Variants in STK17A observed in about 807,000 individuals in gnomAD.
STK17A encodes the protein serine/threonine-protein kinase 17A.
Under a neutral mutation model 43.7 loss-of-function variants are expected in STK17A, and 26 were observed. That is an observed-to-expected ratio of 0.60 (90% CI 0.44 to 0.83). The LOEUF (loss-of-function observed/expected upper bound fraction) is 0.83. Among genes scored for constraint, STK17A ranks in the 40% least tolerant of loss-of-function variants. The pLI is 0.00. For missense variants in STK17A, 476 were observed against 511.6 expected, an observed-to-expected ratio of 0.93 and a Z score of 0.67; for synonymous variants, 191 against 182.5, an observed-to-expected ratio of 1.05 and a Z score of -0.38.
chr7:43,593,417 G>A (rs1408289061), intron 1 of STK17A, among the ~76,000 whole-genome samples: 1 of 152,212 alleles, frequency 6.6e-6, no homozygotes, highest in African/African-American at 2.4e-5. Context: ...ACCCTGTAAT[G>A]GGATAGCCAA....
chr7:43,598,409 G>A (rs1019778213), intron 2 of STK17A, among the ~76,000 whole-genome samples: 1 of 147,390 alleles, frequency 6.8e-6, no homozygotes, highest in Non-Finnish European at 1.5e-5. Context: ...GGTGGAGCTT[G>A]CAGTGAGCAC....
rs762868608 is a variant in STK17A, at chr7:43,623,568, C to G, written c.692-4C>G. 2 of 1,607,794 alleles carry G rather than the reference C, an allele frequency of 1.2e-6. No individual in the cohort carries two copies. The highest frequency in any genetic ancestry group is 2.2e-5 in the South Asian group (2 of 89,532). ...TAAATGTTTTCTTCTCTTTCTGATA[C>G]TAGCTCCTGAAATTCTTAGTTATGA... On this transcript the variant is annotated splice_region_variant and splice_polypyrimidine_tract_variant and intron_variant, in intron 4 of 6. Transcript: ENST00000319357.
At chr7:43,607,371 G>A (rs2082609247) in intron 2 of STK17A, among the ~76,000 whole-genome samples, 1 of 151,976 alleles carries the variant, frequency 6.6e-6, no homozygotes, top group East Asian at 1.9e-4. Context: ...GAATGGGGCC[G>A]GGCATGGTGG....
chr7:43,605,229 G>A (rs1563147168), intron 2 of STK17A, among the ~76,000 whole-genome samples: 1 of 152,166 alleles, frequency 6.6e-6, no homozygotes, highest in East Asian at 1.9e-4. Context: ...GAAATTTTTG[G>A]TAAAATGACA....
intron 1 of STK17A, among the ~76,000 whole-genome samples, chr7:43,595,215 A>C (rs2082506536): frequency 6.6e-6 from 1 of 151,178 alleles, no homozygotes; most frequent in African/African-American, 2.4e-5. Context: ...GTGCAGTGAA[A>C]TTCATCATAT....
chr7:43,593,639 G>A (rs1275512234), intron 1 of STK17A, among the ~76,000 whole-genome samples: 1 of 151,106 alleles, frequency 6.6e-6, no homozygotes, highest in African/African-American at 2.4e-5. Flanking sequence ...GATTAGTGAT[G>A]TTGAACATTT....
rs541795532 is a variant in STK17A at position 43,618,283 on chromosome 7, A to T, written c.565-1314A>T. ...TTACAGAGGAATTGGTTCTTTATTG[A>T]GACCCATCATGCATGGAATGAGGGA... On this transcript the variant is annotated intron_variant, in intron 3 of 6. Transcript: ENST00000319357. Among the ~76,000 whole-genome samples the T allele has an allele frequency of 3.3e-5, 5 of 152,304 alleles. No individual in the cohort carries two copies. The South Asian group carries it at 1.0e-3, about 32-fold the overall frequency.
intron 3 of STK17A, among the ~76,000 whole-genome samples, chr7:43,609,999 AG>A (rs1466656148): frequency 6.6e-6 from 1 of 152,226 alleles, no homozygotes; most frequent in African/African-American, 2.4e-5. Context: ...TTTCTGATTC[AG>A]GGTAGGGCAA....
At position 43,601,806 on chromosome 7, in the gene STK17A, G is replaced by A. The variant is rs888114062; in HGVS notation, c.419+5693G>A. Among the ~76,000 whole-genome samples the A allele has an allele frequency of 5.9e-5, 9 of 152,086 alleles. No individual in the cohort carries two copies. In the South Asian group the frequency reaches 8.3e-4, roughly 14 times the overall value. On this transcript the variant is annotated intron_variant, in intron 2 of 6. Transcript: ENST00000319357. The stretch of plus-strand genomic sequence containing the variant: ...ACACATTCTTGGAAGGACTTGGATC[G>A]TTTTTCATCTACTTAGTACAAGTGT...
chr7:43,617,676 G>A (rs1231758123), intron 3 of STK17A, among the ~76,000 whole-genome samples: 1 of 152,190 alleles, frequency 6.6e-6, no homozygotes, highest in African/African-American at 2.4e-5. Context: ...TAATAGGTAA[G>A]CAGCTGGTTG....
rs1328912723 is a variant in STK17A at position 43,608,232 on chromosome 7, T to C, written c.420-24T>C. The C allele has an allele frequency of 1.3e-5, 20 of 1,597,724 alleles. No homozygotes were observed. The South Asian group carries it at 1.7e-4, about 14-fold the overall frequency. On this transcript the variant is annotated intron_variant, in intron 2 of 6. Coordinates refer to ENST00000319357, the MANE Select transcript of STK17A (RefSeq NM_004760.3). Reference sequence around the variant, plus strand: ...TCGCCATTTCTTATGAGTTATATATTACTTTAATTTTGCCCTTCTCTAGTG... The same window carrying C: ...TCGCCATTTCTTATGAGTTATATATCACTTTAATTTTGCCCTTCTCTAGTG...
intron 2 of STK17A, among the ~76,000 whole-genome samples, chr7:43,603,927 G>T (rs1257834773): frequency 1.3e-5 from 2 of 152,110 alleles, no homozygotes; most frequent in Non-Finnish European, 2.9e-5. Context: ...CCCCAATATA[G>T]CTCATTATGT....
rs1484468528 is a variant in STK17A, at chr7:43,624,821, T to A, written c.1224T>A (p.Ile408=). 1.9e-6 allele frequency: 3 copies of A among 1,601,918 alleles called. No individual in the cohort carries two copies. ...FKFEEPLLQE[I]PGEFIY ...TTGAGGAACCTTTGCTACAAGAAAT[T>A]CCAGGAGAATTTATCTACTGAGCAA... The change falls in exon 7 of 7, where the codon ATT becomes ATA. Residue 408 remains isoleucine, a synonymous_variant. Coordinates refer to ENST00000319357, the MANE Select transcript of STK17A (RefSeq NM_004760.3).
In STK17A at chr7:43,608,383, G is replaced by A. The variant is rs762103940; in HGVS notation, c.547G>A (p.Val183Ile). Reference sequence around the variant, plus strand: ...TCACTTTTTACACACTCGTGATGTAGTTCATCTTGATTTGAAGGTAAGATT... The same window carrying A: ...TCACTTTTTACACACTCGTGATGTAATTCATCTTGATTTGAAGGTAAGATT... ...GVHFLHTRDVVHLDLKPQNIL... is the reference protein window; with the variant it reads ...GVHFLHTRDVIHLDLKPQNIL... Residue 183 changes from valine (V) to isoleucine (I), a missense_variant, in exon 3 of 7, where the codon GTT (valine) becomes ATT (isoleucine). Physicochemically the swap from Val to Ile is conservative, Grantham distance 29. This residue lies in a region of STK17A where 320 missense variants were observed against 326.3 expected (regional missense o/e 0.98). Coordinates refer to ENST00000319357, the MANE Select transcript of STK17A (RefSeq NM_004760.3). The A allele has an allele frequency of 4.4e-6, 7 of 1,604,440 alleles. No homozygotes were observed. The South Asian group carries it at 7.9e-5, about 18-fold the overall frequency.
intron 3 of STK17A, among the ~76,000 whole-genome samples, chr7:43,615,546 T>C (rs890295223): frequency 1.3e-5 from 2 of 152,200 alleles, no homozygotes; most frequent in African/African-American, 2.4e-5. Context: ...TGAGGACTCA[T>C]AGTCATGATG....
At chr7:43,588,608 A>G (rs1429055923) in intron 1 of STK17A, among the ~76,000 whole-genome samples, 1 of 151,478 alleles carries the variant, frequency 6.6e-6, no homozygotes, top group Non-Finnish European at 1.5e-5. Flanking sequence ...TAGGAGGCCA[A>G]GGTGGGCGGA....
rs754951190 is a variant in STK17A, at chr7:43,608,338, C to T, written c.502C>T (p.Arg168Ter). 2.4e-5 allele frequency: 38 copies of T among 1,613,812 alleles called. No individual in the cohort carries two copies. The highest frequency in any genetic ancestry group is 5.5e-5 in the South Asian group (5 of 91,060). The change falls in exon 3 of 7, where the codon CGA becomes TGA. Residue 168 changes from arginine to a stop codon, truncating the protein, a stop_gained. Transcript: ENST00000319357. LOFTEE classifies it high-confidence loss of function. ...AGAAAAAGATGTTCAAAGACTTATG[C>T]GACAGATTTTAGAAGGTGTTCACTT... ...FKEKDVQRLM[R>*]QILEGVHFLH...
chr7:43,592,815 G>A (rs538924702), intron 1 of STK17A, among the ~76,000 whole-genome samples: 3 of 152,160 alleles, frequency 2.0e-5, no homozygotes, highest in South Asian at 2.1e-4. Context: ...GCAGTGAGCC[G>A]AGATCGTGCC....
chr7:43,619,167 T>C (rs1161434830), intron 3 of STK17A, among the ~76,000 whole-genome samples: 1 of 152,138 alleles, frequency 6.6e-6, no homozygotes, highest in African/African-American at 2.4e-5. Context: ...ATTATTGAAG[T>C]TATTGTGACC....
Sources: allele counts gnomAD v4.1 joint callset (sites outside exome capture counted in the v4.1 genomes callset), GRCh38; gene constraint gnomAD v4.1.1; regional missense constraint gnomAD v4.1.1; transcripts MANE v1.5; gene names NCBI Gene and HGNC (gene_info 2026-07-23, HGNC 2026-07-21).